BCAS3: variants seen among roughly 807,000 people sequenced by gnomAD.
BCAS3 encodes the protein BCAS4/BCAS3 fusion.
A neutral mutation model predicts 116.1 loss-of-function variants in BCAS3; 53 were observed. The ratio of observed to expected loss-of-function variants is 0.46; its 90% CI spans 0.37 to 0.57. The LOEUF (loss-of-function observed/expected upper bound fraction) is 0.57. Ranked by LOEUF, BCAS3 falls within the 20% of genes least tolerant of loss-of-function variation. BCAS3 has a pLI of 0.00. For synonymous variants in BCAS3, 391 were observed against 408.2 expected, an observed-to-expected ratio of 0.96 and a Z score of 0.51; for missense variants, 917 against 1,165.4, an observed-to-expected ratio of 0.79 and a Z score of 3.10.
At chr17:60,810,825 A>G in intron 7 of BCAS3, 1 of 690,976 alleles carries the variant, frequency 1.4e-6, no homozygotes, top group Non-Finnish European at 2.7e-6. Flanking sequence ...TCGAAGAGGA[A>G]GTAAAAGTCC....
chr17:60,731,535 G>A (rs2040455174), intron 5 of BCAS3, among the ~76,000 whole-genome samples: 1 of 152,084 alleles, frequency 6.6e-6, no homozygotes, highest in Non-Finnish European at 1.5e-5. Context: ...TACGTGAGGT[G>A]TTTTTGTTGC....
chr17:61,230,142 T>TACACAC lies in BCAS3; in HGVS notation c.2426-138157_2426-138152dup, dbSNP rs58423435. Among the ~76,000 whole-genome samples the TACACAC allele has an allele frequency of 9.1e-3, 1,370 of 150,038 alleles. 13 individuals carry two copies. The highest frequency in any genetic ancestry group is 0.031 in the African/African-American group (1,250 of 40,740). On this transcript the variant is annotated intron_variant, in intron 22 of 23. Coordinates refer to ENST00000407086, the MANE Select transcript of BCAS3 (RefSeq NM_017679.5). ...TCTGTCTCAAAAAAAAGTGTGTGTA[T>TACACAC]ACACACACACACACACACACACACA...
At position 61,181,836 on chromosome 17, in the gene BCAS3, T is replaced by A. The variant is rs1851077199; in HGVS notation, c.2425+97272T>A. 6.6e-6 allele frequency among the ~76,000 whole-genome samples: 1 copy of A among 151,698 alleles called. No individual in the cohort carries two copies. ...GGTTGGAAACTTTTTAGTTGCTTAA[T>A]ATTTTATTTCTAATACCAAAAGTCT... On this transcript the variant is annotated intron_variant, in intron 22 of 23. Coordinates refer to ENST00000407086, the MANE Select transcript of BCAS3 (RefSeq NM_017679.5). The surrounding 1 kb of genome is among the most constrained non-coding windows in gnomAD (Gnocchi z 5.0).
At position 60,931,367 on chromosome 17, in the gene BCAS3, C is replaced by T. The variant is rs541886907; in HGVS notation, c.1087+6867C>T. Among the ~76,000 whole-genome samples, 83 of 152,202 alleles carry T rather than the reference C, an allele frequency of 5.5e-4. No individual in the cohort carries two copies. The Middle Eastern group carries it at 0.02, about 37-fold the overall frequency. On this transcript the variant is annotated intron_variant, in intron 13 of 23. Transcript: ENST00000407086. ...TTCAGCTCACTGCAACCTCCACCTC[C>T]CGGGTTCAAGCGATTTTCCTGCCTC...
At chr17:61,045,859 A>C (rs1451990999) in intron 19 of BCAS3, among the ~76,000 whole-genome samples, 77 of 1,554 alleles carry the variant, frequency 0.05, 4 homozygotes, top group African/African-American at 0.15. Context: ...CTATATATAT[A>C]TATATAAATA....
At position 61,337,478 on chromosome 17, in the gene BCAS3, GC is replaced by G. The variant is rs138762996; in HGVS notation, c.2426-30846del. ...GAGGAGACGCTTGGCTTTGCCCACA[GC>G]CCTCGGCCCCAGGTCTTCCTCTTGG... On this transcript the variant is annotated intron_variant, in intron 22 of 23. Coordinates refer to ENST00000407086, the MANE Select transcript of BCAS3 (RefSeq NM_017679.5). The surrounding 1 kb of genome is among the most constrained non-coding windows in gnomAD (Gnocchi z 4.8). 0.013 allele frequency among the ~76,000 whole-genome samples: 2,034 copies of G among 152,262 alleles called. 44 individuals are homozygous for G. The highest frequency in any genetic ancestry group is 0.046 in the African/African-American group (1,893 of 41,550).
At chr17:60,836,346 C>A (rs966620650) in intron 7 of BCAS3, among the ~76,000 whole-genome samples, 14 of 151,960 alleles carry the variant, frequency 9.2e-5, no homozygotes, top group African/African-American at 2.2e-4. Flanking sequence ...TTAATTAATT[C>A]TTTTAACAAG....
intron 19 of BCAS3, among the ~76,000 whole-genome samples, chr17:61,062,440 T>C (rs1321445274): frequency 1.3e-5 from 2 of 152,204 alleles, no homozygotes; most frequent in Non-Finnish European, 2.9e-5. Context: ...CAAGGTACTT[T>C]ATAGTTATGA....
chr17:60,977,439 A>G (rs546683156), intron 14 of BCAS3, among the ~76,000 whole-genome samples: 21 of 151,974 alleles, frequency 1.4e-4, no homozygotes, highest in African/African-American at 4.6e-4. Flanking sequence ...CAGCCTCCCA[A>G]AGTACTGAGG....
At chr17:60,852,661 G>T (rs534251891) in intron 7 of BCAS3, among the ~76,000 whole-genome samples, 4 of 152,264 alleles carry the variant, frequency 2.6e-5, no homozygotes, top group Non-Finnish European at 5.9e-5. Context: ...GCAAAAACCT[G>T]ACCAAAGAAG....
intron 10 of BCAS3, among the ~76,000 whole-genome samples, chr17:60,893,895 C>T (rs538250281): frequency 3.5e-4 from 54 of 152,158 alleles, no homozygotes; most frequent in African/African-American, 1.3e-3. Flanking sequence ...AGGCATGAGC[C>T]ACCATGCCCA....
chr17:61,017,201 T>C lies in BCAS3; in HGVS notation c.1637+1300T>C, dbSNP rs1384766109. 6.6e-6 allele frequency: 1 copy of C among 152,206 alleles called. No individual in the cohort carries two copies. Among genetic ancestry groups the C allele is most frequent in the Non-Finnish European group, 1.5e-5 (1 of 68,018 alleles). 9.4% of individuals were successfully genotyped at this position (152,206 alleles called of 1,614,324 possible). On this transcript the variant is annotated intron_variant, in intron 16 of 23. Coordinates refer to ENST00000407086, the MANE Select transcript of BCAS3 (RefSeq NM_017679.5). This position sits in a 1 kb window ranked among gnomAD's most constrained non-coding sequence, Gnocchi z 4.7. ...TTATTTTAAAATAATTTAAGAATAATGGCTGTGAATAATGAAGAGGTTATG... is the reference window on the plus strand; with the variant it reads ...TTATTTTAAAATAATTTAAGAATAACGGCTGTGAATAATGAAGAGGTTATG...
At chr17:61,197,455 T>TAATG (rs1468526710) in intron 22 of BCAS3, among the ~76,000 whole-genome samples, 3 of 152,236 alleles carry the variant, frequency 2.0e-5, no homozygotes, top group African/African-American at 7.2e-5. Flanking sequence ...ATTGAGGCAT[T>TAATG]GTCTTAGAGA....
chr17:60,982,010 T>C, intron 14 of BCAS3, among the ~76,000 whole-genome samples: 1 of 152,192 alleles, frequency 6.6e-6, no homozygotes. Context: ...AAAGAAATTA[T>C]ATGTGTATGC....
rs1237214651 is a variant in BCAS3, at chr17:61,307,866, T to C, written c.2426-60461T>C. On this transcript the variant is annotated intron_variant, in intron 22 of 23. Coordinates refer to ENST00000407086, the MANE Select transcript of BCAS3 (RefSeq NM_017679.5). The surrounding 1 kb of genome is among the most constrained non-coding windows in gnomAD (Gnocchi z 4.7). ...GTCAAATGCACAGCAAAACATCTGATATATGGTTACAGATCTAACACAAAT... is the reference window on the plus strand; with the variant it reads ...GTCAAATGCACAGCAAAACATCTGACATATGGTTACAGATCTAACACAAAT... Among the ~76,000 whole-genome samples, 1 of 152,216 alleles carries C rather than the reference T, an allele frequency of 6.6e-6. No individual in the cohort carries two copies. The highest frequency in any genetic ancestry group is 1.5e-5 in the Non-Finnish European group (1 of 68,034).
In BCAS3 at chr17:61,315,895, A is replaced by G. The variant is rs1213510477; in HGVS notation, c.2426-52432A>G. Among the ~76,000 whole-genome samples the G allele has an allele frequency of 6.6e-6, 1 of 152,098 alleles. No individual in the cohort carries two copies. Among genetic ancestry groups the G allele is most frequent in the Non-Finnish European group, 1.5e-5 (1 of 68,008 alleles). ...AGGCTCAGAGGGACCCACAGCTGAC[A>G]TCTTAAAGTCACCTCTATTGTCCAC... On this transcript the variant is annotated intron_variant, in intron 22 of 23. Coordinates refer to ENST00000407086, the MANE Select transcript of BCAS3 (RefSeq NM_017679.5). The surrounding 1 kb of genome is among the most constrained non-coding windows in gnomAD (Gnocchi z 5.3).
intron 11 of BCAS3, among the ~76,000 whole-genome samples, chr17:60,908,030 G>A (rs2058281407): frequency 6.6e-6 from 1 of 152,090 alleles, no homozygotes; most frequent in African/African-American, 2.4e-5. Flanking sequence ...CTGACTCCCT[G>A]CATAGTTAAT....
intron 3 of BCAS3, among the ~76,000 whole-genome samples, chr17:60,686,617 C>T (rs180893241): frequency 4.3e-4 from 65 of 152,024 alleles, no homozygotes; most frequent in African/African-American, 1.4e-3. Context: ...CCTCTGCCTA[C>T]GAGTTTCAAG....
intron 22 of BCAS3, among the ~76,000 whole-genome samples, chr17:61,190,054 T>C (rs1795420292): frequency 6.6e-6 from 1 of 152,182 alleles, no homozygotes; most frequent in African/African-American, 2.4e-5. Context: ...ACAGGAGTCA[T>C]AGGGGAGTGA....
Sources: allele counts gnomAD v4.1 joint callset (sites outside exome capture counted in the v4.1 genomes callset), GRCh38; gene constraint gnomAD v4.1.1; non-coding constraint Gnocchi (gnomAD v3.1); transcripts MANE v1.5; gene names NCBI Gene and HGNC (gene_info 2026-07-23, HGNC 2026-07-21).